The following STARD13 variants were observed in gnomAD, a reference collection of about 807,000 sequenced individuals.
STARD13 encodes the protein stAR-related lipid transfer protein 13.
Under a neutral mutation model 106.4 loss-of-function variants are expected in STARD13, and 62 were observed. The observed-to-expected ratio is 0.58, with a 90% CI of 0.48 to 0.72. STARD13 has a LOEUF of 0.72. Among genes scored for constraint, STARD13 ranks in the 30% least tolerant of loss-of-function variants. The pLI is 0.00. For synonymous variants in STARD13, 565 were observed against 553.0 expected (o/e 1.02, Z -0.31); for missense variants, 1,387 against 1,424.0 (o/e 0.97, Z 0.42).
intron 1 of STARD13, among the ~76,000 whole-genome samples, chr13:33,323,895 A>G (rs1294436096): frequency 6.6e-6 from 1 of 152,200 alleles, no homozygotes; most frequent in Non-Finnish European, 1.5e-5. Context: ...AAACAAAAAC[A>G]CGAAACACAC....
At chr13:33,307,812 T>C (rs1892969571) in intron 1 of STARD13, among the ~76,000 whole-genome samples, 1 of 152,138 alleles carries the variant, frequency 6.6e-6, no homozygotes, top group Non-Finnish European at 1.5e-5. Flanking sequence ...TCCTGGAACT[T>C]AAAATAAAAT....
chr13:33,417,450 C>T, the STARD13 span, among the ~76,000 whole-genome samples: 4 of 152,060 alleles, frequency 2.6e-5, no homozygotes, highest in Admixed American at 6.6e-5. Context: ...GAAACATGTC[C>T]GCACAAAAAC....
At chr13:33,613,077 T>G in the STARD13 span, among the ~76,000 whole-genome samples, 15 of 152,226 alleles carry the variant, frequency 9.9e-5, no homozygotes, top group Admixed American at 9.8e-4. Context: ...CTCTGCTGCA[T>G]CCTGGCATGC....
chr13:33,339,338 C>T (rs529114803), intron 1 of STARD13, among the ~76,000 whole-genome samples: 39 of 152,294 alleles, frequency 2.6e-4, no homozygotes, highest in African/African-American at 4.1e-4. Context: ...ATACCACCAA[C>T]GCTACCCTCT....
At chr13:33,295,767 G>A (rs1892466106) in intron 1 of STARD13, among the ~76,000 whole-genome samples, 1 of 152,178 alleles carries the variant, frequency 6.6e-6, no homozygotes, top group African/African-American at 2.4e-5. Flanking sequence ...ATGGCAGAAA[G>A]GTGTTGCAGG....
chr13:33,380,019 A>C, the STARD13 span, among the ~76,000 whole-genome samples: 11 of 144,622 alleles, frequency 7.6e-5, no homozygotes, highest in Non-Finnish European at 1.5e-4. Context: ...TCTTGCGATA[A>C]AATAAATGCA....
At chr13:33,408,549 G>A in the STARD13 span, among the ~76,000 whole-genome samples, 9 of 151,984 alleles carry the variant, frequency 5.9e-5, no homozygotes, top group African/African-American at 2.2e-4. Context: ...TTATTCATTT[G>A]TCTATGGGTG....
intron 1 of STARD13, among the ~76,000 whole-genome samples, chr13:33,318,210 C>G (rs1284118222): frequency 6.6e-6 from 1 of 152,168 alleles, no homozygotes; most frequent in African/African-American, 2.4e-5. Flanking sequence ...ATGATCTACT[C>G]AGTTTTAAAA....
At chr13:33,467,726 T>C in the STARD13 span, among the ~76,000 whole-genome samples, 5 of 152,208 alleles carry the variant, frequency 3.3e-5, no homozygotes, top group African/African-American at 9.6e-5. Context: ...ACACATTACC[T>C]GTACTACCTA....
the STARD13 span, among the ~76,000 whole-genome samples, chr13:33,675,532 A>C: frequency 6.6e-6 from 1 of 152,180 alleles, no homozygotes; most frequent in Admixed American, 6.5e-5. Flanking sequence ...TTACATGGAA[A>C]TATAAGCCCC....
the STARD13 span, among the ~76,000 whole-genome samples, chr13:33,481,780 C>T: frequency 6.6e-6 from 1 of 152,008 alleles, no homozygotes; most frequent in African/African-American, 2.4e-5. Context: ...AATATAAGCA[C>T]TATCCTGGCT....
the STARD13 span, among the ~76,000 whole-genome samples, chr13:33,512,941 G>A: frequency 6.6e-6 from 1 of 152,170 alleles, no homozygotes; most frequent in Non-Finnish European, 1.5e-5. Context: ...CTGTAAGACA[G>A]TAAATTTCTA....
chr13:33,607,738 T>TA, the STARD13 span, among the ~76,000 whole-genome samples: 1 of 152,096 alleles, frequency 6.6e-6, no homozygotes, highest in Admixed American at 6.5e-5. Flanking sequence ...TTAGAACAAA[T>TA]AAAAAATGTT....
At chr13:33,673,033 C>A in the STARD13 span, among the ~76,000 whole-genome samples, 2 of 152,110 alleles carry the variant, frequency 1.3e-5, no homozygotes, top group African/African-American at 4.8e-5. Context: ...GGTTCAAAGA[C>A]CCCAGTGGGG....
chr13:33,614,360 T>C, the STARD13 span, among the ~76,000 whole-genome samples: 1 of 151,206 alleles, frequency 6.6e-6, no homozygotes, highest in South Asian at 2.1e-4. Flanking sequence ...CAAATATTGC[T>C]ATGTAAAAGT....
intron 3 of STARD13, chr13:33,164,095 G>A (rs574195718): frequency 1.1e-4 from 16 of 151,968 alleles, no homozygotes; most frequent in African/African-American, 2.2e-4. Flanking sequence ...TTGTTTTCTC[G>A]TCCAAATAAC....
chr13:33,628,146 A>AG, the STARD13 span, among the ~76,000 whole-genome samples: 1 of 71,352 alleles, frequency 1.4e-5, no homozygotes, highest in Non-Finnish European at 2.7e-5. Context: ...TCTCTCTTGT[A>AG]AAACACACAC....
In STARD13 at chr13:33,127,460, T is replaced by C; in HGVS notation, c.1835A>G (p.Gln612Arg). The C allele has an allele frequency of 6.2e-7, 1 of 1,600,728 alleles. No homozygotes were observed. The highest frequency in any genetic ancestry group is 1.3e-5 in the African/African-American group (1 of 74,806). ...SPHISSQTAS[Q>R]LSLLQRFSLL... ...TGAGAAGCGCTGGAGCAGGCTCAGC[T>C]GGCTGGCCGTCTGGCTGCTGATGTG... Residue 612 changes from glutamine to arginine, a missense_variant, in exon 6 of 14, where the codon CAG becomes CGG. By Grantham distance (43) the Gln-to-Arg change is conservative. Transcript: ENST00000336934.
At chr13:33,521,061 A>G in the STARD13 span, among the ~76,000 whole-genome samples, 1 of 152,068 alleles carries the variant, frequency 6.6e-6, no homozygotes, top group African/African-American at 2.4e-5. Context: ...ATCTCCAACC[A>G]ACGCACAGTC....
Sources: gnomAD v4.1 joint callset for allele counts (sites outside exome capture counted in the v4.1 genomes callset) on GRCh38, gnomAD v4.1.1 for gene constraint, MANE v1.5 for transcripts, NCBI Gene and HGNC (gene_info 2026-07-23, HGNC 2026-07-21) for gene names.